The following DPYS variants were observed in gnomAD, a reference collection of about 807,000 sequenced individuals.
The protein encoded by DPYS is dihydropyrimidinase.
Under a neutral mutation model 50.3 loss-of-function variants are expected in DPYS, and 39 were observed. The ratio of observed to expected loss-of-function variants is 0.78; its 90% confidence interval spans 0.60 to 1.01. The LOEUF (loss-of-function observed/expected upper bound fraction) is 1.01, where lower values mean the gene tolerates loss of function less well. DPYS is among the 50% of genes least tolerant of loss of function. DPYS has a pLI of 0.00. For missense variants in DPYS, 659 were observed against 680.9 expected (o/e 0.97, Z 0.36); for synonymous variants, 245 against 250.7 (o/e 0.98, Z 0.22).
rs868270622 is a variant in DPYS, at chr8:104,446,025, A to G, written c.603+1299T>C. ...GCACCACTGCACTCCAGCCTAGGCA[A>G]CAGAGCGGGACTCCATCTCAAAAAA... On this transcript the variant is annotated intron_variant, in intron 3 of 9. Coordinates refer to ENST00000351513, the MANE Select transcript of DPYS (RefSeq NM_001385.3). Among the ~76,000 whole-genome samples, 4 of 152,344 alleles carry G rather than the reference A, an allele frequency of 2.6e-5. No homozygotes were observed. In the Middle Eastern group the frequency reaches 0.01, roughly 389 times the overall value.
chr8:104,429,749 A>G (rs1812889678), intron 4 of DPYS, 48 bp from the exon 5 acceptor site: 3 of 1,610,018 alleles, frequency 1.9e-6, no homozygotes, highest in Non-Finnish European at 1.7e-6. Context: ...TATTCTTAAG[A>G]GGACCATATG....
rs1228448348 is a variant in DPYS, at chr8:104,466,811, T to A, written c.110A>T (p.His37Leu). 6.5e-7 allele frequency: 1 copy of A among 1,533,508 alleles called. No homozygotes were observed. The highest frequency in any genetic ancestry group is 1.2e-5 in the South Asian group (1 of 83,570). 95.0% of individuals were successfully genotyped at this position (1,533,508 alleles called of 1,614,324 possible). The stretch of plus-strand genomic sequence containing the variant: ...AGCGCCCCCGGGAGGCAGCAGGTCG[T>A]GCCCGAGTGCCCGCACCACGCCGTC... ...VEDGVVRALG[H>L]DLLPPGGAPA... The change falls in exon 1 of 10, where the codon CAC becomes CTC. Residue 37 changes from histidine (H) to leucine (L), a missense_variant. His to Leu is a moderately conservative substitution (Grantham distance 99). Transcript: ENST00000351513.
At chr8:104,437,118 C>A (rs1430961345) in intron 4 of DPYS, among the ~76,000 whole-genome samples, 1 of 151,876 alleles carries the variant, frequency 6.6e-6, no homozygotes, top group African/African-American at 2.4e-5. Flanking sequence ...ATGATGGAGT[C>A]CCAGGAAAAG....
At chr8:104,408,192 A>C (rs1006517598) in intron 7 of DPYS, among the ~76,000 whole-genome samples, 1 of 152,270 alleles carries the variant, frequency 6.6e-6, no homozygotes, top group African/African-American at 2.4e-5. Context: ...GACATACCTT[A>C]GTGAACAAAG....
chr8:104,396,319 A>G (rs1811583777), intron 7 of DPYS, among the ~76,000 whole-genome samples: 1 of 152,234 alleles, frequency 6.6e-6, no homozygotes, highest in African/African-American at 2.4e-5. Context: ...AAGTAAAATG[A>G]ATTAAAAATT....
At chr8:104,401,288 GTAT>G (rs34804847) in intron 7 of DPYS, among the ~76,000 whole-genome samples, 37,050 of 142,862 alleles carry the variant, frequency 0.26, 4,887 homozygotes, top group Middle Eastern at 0.29. Flanking sequence ...TATGAGGTAG[GTAT>G]TATTATTATT....
intron 4 of DPYS, 76 bp from the exon 5 acceptor site, chr8:104,429,777 A>T: frequency 1.3e-6 from 2 of 1,575,344 alleles, no homozygotes; most frequent in Middle Eastern, 4.1e-4. Context: ...CATAAATATT[A>T]ATCTTTTCTC....
intron 8 of DPYS, among the ~76,000 whole-genome samples, chr8:104,389,846 A>C (rs1197304681): frequency 6.6e-6 from 1 of 152,234 alleles, no homozygotes; most frequent in African/African-American, 2.4e-5. Context: ...AAAATGCCTA[A>C]AAATTTGATA....
At chr8:104,442,354 G>A (rs1218265239) in intron 4 of DPYS, among the ~76,000 whole-genome samples, 2 of 152,194 alleles carry the variant, frequency 1.3e-5, no homozygotes, top group Admixed American at 6.5e-5. Flanking sequence ...TGACAGAACA[G>A]TCAAAATTGG....
chr8:104,426,921 T>A lies in DPYS; in HGVS notation c.1092+1059A>T, dbSNP rs546120013. ...GATTCTTTAAGAAGTGACATCAGGC[T>A]GGGCACGGTGGCTCACGCCTGTCAA... On this transcript the variant is annotated intron_variant, in intron 6 of 9. Transcript: ENST00000351513. Among the ~76,000 whole-genome samples the A allele has an allele frequency of 5.9e-5, 9 of 152,306 alleles. No individual in the cohort carries two copies. The East Asian group carries it at 1.7e-3, about 30-fold the overall frequency.
chr8:104,419,313 G>A (rs756018051), intron 7 of DPYS, among the ~76,000 whole-genome samples: 5 of 152,060 alleles, frequency 3.3e-5, no homozygotes, highest in Non-Finnish European at 7.4e-5. Flanking sequence ...CTTCCATGCC[G>A]TGTGGAAGGC....
intron 4 of DPYS, 135 bp from the exon 5 acceptor site, chr8:104,429,836 T>C: frequency 9.0e-7 from 1 of 1,107,306 alleles, no homozygotes; most frequent in East Asian, 2.6e-5. Flanking sequence ...CAAACTATAA[T>C]TTACTTTTGT....
intron 4 of DPYS, among the ~76,000 whole-genome samples, chr8:104,432,929 T>G (rs1452837630): frequency 6.6e-6 from 1 of 152,202 alleles, no homozygotes; most frequent in Non-Finnish European, 1.5e-5. Flanking sequence ...TACCTCAGAA[T>G]GTAACTGTAT....
intron 4 of DPYS, among the ~76,000 whole-genome samples, chr8:104,432,874 AT>A: frequency 6.6e-6 from 1 of 152,180 alleles, no homozygotes; most frequent in South Asian, 2.1e-4. Flanking sequence ...TATGGGCTGA[AT>A]TGTGTCCTCT....
At chr8:104,465,989 TGA>T (rs950562187) in intron 1 of DPYS, among the ~76,000 whole-genome samples, 1 of 151,596 alleles carries the variant, frequency 6.6e-6, no homozygotes, top group Non-Finnish European at 1.5e-5. Context: ...TTGGTGTGTG[TGA>T]GTGTTGCGAG....
chr8:104,465,147 G>C (rs1814316366), intron 1 of DPYS, among the ~76,000 whole-genome samples: 1 of 152,144 alleles, frequency 6.6e-6, no homozygotes, highest in Admixed American at 6.5e-5. Flanking sequence ...AACTTGGAGA[G>C]GGGGAGGTGT....
intron 8 of DPYS, among the ~76,000 whole-genome samples, chr8:104,384,434 G>A (rs1017577212): frequency 3.3e-5 from 5 of 152,204 alleles, no homozygotes; most frequent in Non-Finnish European, 7.3e-5. Flanking sequence ...ATGGAAAAGT[G>A]ATGGCACTCC....
chr8:104,447,344 T>A lies in DPYS; in HGVS notation c.583A>T (p.Asn195Tyr), dbSNP rs1813569081. Residue 195 changes from asparagine (N) to tyrosine (Y), a missense_variant, in exon 3 of 10, where the codon AAT (asparagine) becomes TAT (tyrosine). Asn to Tyr is a moderately radical substitution (Grantham distance 143, BLOSUM62 -2). Coordinates refer to ENST00000351513, the MANE Select transcript of DPYS (RefSeq NM_001385.3). ...CGTACCTCTGCAATTAAGTCTCCAT[T>A]TTCCGCATGGACCTGGGCAATTGCT... Reference protein sequence around the residue: ...IGAIAQVHAENGDLIAEGAKK... With the variant: ...IGAIAQVHAEYGDLIAEGAKK... 6.2e-7 allele frequency: 1 copy of A among 1,614,064 alleles called. No individual in the cohort carries two copies. Among genetic ancestry groups the A allele is most frequent in the African/African-American group, 1.3e-5 (1 of 74,936 alleles).
At chr8:104,414,815 T>TAG (rs1025669389) in intron 7 of DPYS, among the ~76,000 whole-genome samples, 3 of 152,190 alleles carry the variant, frequency 2.0e-5, no homozygotes, top group Admixed American at 6.5e-5. Context: ...TGGCCAGAAT[T>TAG]AGAGATGAGT....
Sources: gnomAD v4.1 joint callset for allele counts (sites outside exome capture counted in the v4.1 genomes callset) on GRCh38, gnomAD v4.1.1 for gene constraint, MANE v1.5 for transcripts, NCBI Gene and HGNC (gene_info 2026-07-23, HGNC 2026-07-21) for gene names.